Variants in DPP6 observed in about 807,000 individuals in gnomAD.
DPP6 encodes the protein A-type potassium channel modulatory protein DPP6.
Under a neutral mutation model 122.6 loss-of-function variants are expected in DPP6, and 69 were observed. The observed-to-expected ratio is 0.56, with a 90% CI of 0.46 to 0.69. DPP6 has a LOEUF of 0.69. Ranked by LOEUF, DPP6 falls within the 30% of genes least tolerant of loss-of-function variation. DPP6 has a pLI of 0.00. For synonymous variants in DPP6, 418 were observed against 433.1 expected, an observed-to-expected ratio of 0.97 and a Z score of 0.43; for missense variants, 928 against 1,116.9, an observed-to-expected ratio of 0.83 and a Z score of 2.41.
At chr7:154,880,547 T>C (rs924269923) in intron 20 of DPP6, among the ~76,000 whole-genome samples, 2 of 152,018 alleles carry the variant, frequency 1.3e-5, no homozygotes, top group Non-Finnish European at 2.9e-5. Flanking sequence ...AGGCTCTGGG[T>C]GGGGGCCCAA....
intron 3 of DPP6, among the ~76,000 whole-genome samples, chr7:154,530,678 A>G (rs73483819): frequency 0.026 from 3,932 of 152,302 alleles, 155 homozygotes; most frequent in African/African-American, 0.089. Flanking sequence ...TCTAGTATAA[A>G]GATATGTACA....
At chr7:154,695,588 GAGA>G (rs1250322760) in intron 7 of DPP6, among the ~76,000 whole-genome samples, 2 of 152,122 alleles carry the variant, frequency 1.3e-5, no homozygotes, top group Non-Finnish European at 2.9e-5. Context: ...TGTGAGTTTG[GAGA>G]AGGAGAGGTG....
upstream of DPP6, among the ~76,000 whole-genome samples, chr7:154,049,088 A>T (rs1250446244): frequency 6.6e-6 from 1 of 151,306 alleles, no homozygotes; most frequent in African/African-American, 2.4e-5. Flanking sequence ...ATTAAACTCG[A>T]CATTAAATAA....
At chr7:154,387,994 C>T (rs1814267124) in intron 1 of DPP6, among the ~76,000 whole-genome samples, 1 of 151,978 alleles carries the variant, frequency 6.6e-6, no homozygotes, top group South Asian at 2.1e-4. Flanking sequence ...ACATGGCATG[C>T]AGTGGGTGCT....
upstream of DPP6, among the ~76,000 whole-genome samples, chr7:153,883,236 G>T (rs369566725): frequency 2.0e-5 from 3 of 152,326 alleles, no homozygotes; most frequent in East Asian, 5.8e-4. Context: ...ATGGGATAGG[G>T]AATGAACTTC....
chr7:153,857,705 A>G, the DPP6 span, among the ~76,000 whole-genome samples: 2 of 152,214 alleles, frequency 1.3e-5, no homozygotes, highest in African/African-American at 4.8e-5. Context: ...TATCATGCTT[A>G]GAATATAAAC....
intron 3 of DPP6, among the ~76,000 whole-genome samples, chr7:154,538,667 C>CT (rs1219730488): frequency 6.6e-6 from 1 of 151,950 alleles, no homozygotes; most frequent in African/African-American, 2.4e-5. Context: ...AAGTAGTAAC[C>CT]TTTTTTGCAA....
chr7:154,072,226 C>T (rs77059409), intron 1 of DPP6, among the ~76,000 whole-genome samples: 5,484 of 152,230 alleles, frequency 0.036, 27 homozygotes, highest in South Asian at 0.071. Context: ...TCTGTTCATT[C>T]CCCCTAAACT....
intron 8 of DPP6, among the ~76,000 whole-genome samples, chr7:154,754,106 T>C (rs1463860358): frequency 6.6e-6 from 1 of 152,216 alleles, no homozygotes; most frequent in Non-Finnish European, 1.5e-5. Flanking sequence ...TTTCAATGTG[T>C]TTTTGTTGAG....
At chr7:154,196,648 A>T (rs938707273) in intron 1 of DPP6, among the ~76,000 whole-genome samples, 27 of 152,164 alleles carry the variant, frequency 1.8e-4, no homozygotes, top group Non-Finnish European at 4.4e-5. Flanking sequence ...CCTTCCAAGG[A>T]CCACCTGGGC....
At chr7:154,502,584 C>T (rs890627195) in intron 3 of DPP6, among the ~76,000 whole-genome samples, 7 of 152,150 alleles carry the variant, frequency 4.6e-5, no homozygotes, top group African/African-American at 1.4e-4. Context: ...TGCCTTTCAC[C>T]TTCTGCTGTG....
At chr7:154,611,957 G>A (rs1034156228) in intron 5 of DPP6, among the ~76,000 whole-genome samples, 1 of 152,142 alleles carries the variant, frequency 6.6e-6, no homozygotes, top group South Asian at 2.1e-4. Context: ...TGGTTTGAAT[G>A]TGTTCTTACA....
chr7:154,669,843 G>GT (rs60268123), intron 7 of DPP6, among the ~76,000 whole-genome samples: 103,817 of 150,244 alleles, frequency 0.69, 36,453 homozygotes, highest in Non-Finnish European at 0.75. Context: ...CCTGTGGAGG[G>GT]TTTTTTTTTG....
intron 1 of DPP6, among the ~76,000 whole-genome samples, chr7:154,010,852 C>T (rs941828015): frequency 6.6e-6 from 1 of 152,168 alleles, no homozygotes; most frequent in Non-Finnish European, 1.5e-5. Flanking sequence ...CCATTTGGTT[C>T]CTGGCAGAAA....
intron 1 of DPP6, among the ~76,000 whole-genome samples, chr7:154,431,494 TTCTTTTCTTTTC>T (rs1274305983): frequency 3.6e-5 from 4 of 109,828 alleles, no homozygotes; most frequent in Non-Finnish European, 6.3e-5. Flanking sequence ...TTCTTTTCTT[TTCTTTTCTTTTC>T]TTTCTTTTAT....
intron 1 of DPP6, among the ~76,000 whole-genome samples, chr7:153,996,406 CT>C (rs760672547): frequency 5.3e-5 from 8 of 151,938 alleles, no homozygotes; most frequent in Non-Finnish European, 8.8e-5. Flanking sequence ...TGGGCCTATC[CT>C]TCAAGGTTCA....
the DPP6 span, among the ~76,000 whole-genome samples, chr7:153,753,274 G>A: frequency 6.6e-6 from 1 of 150,970 alleles, no homozygotes; most frequent in Admixed American, 6.6e-5. Context: ...CCATATTTGG[G>A]GATTTTGTAC....
chr7:154,296,120 T>C (rs534069065), intron 1 of DPP6, among the ~76,000 whole-genome samples: 1 of 151,862 alleles, frequency 6.6e-6, no homozygotes, highest in South Asian at 2.1e-4. Context: ...ATTTTTTGTA[T>C]TTTTTAGTAA....
At chr7:154,576,707 G>A (rs913728282) in intron 5 of DPP6, among the ~76,000 whole-genome samples, 4 of 152,270 alleles carry the variant, frequency 2.6e-5, no homozygotes, top group South Asian at 4.2e-4. Context: ...ATGGATGCGC[G>A]GGAAATACCA....
Sources: allele counts gnomAD v4.1 joint callset (sites outside exome capture counted in the v4.1 genomes callset), GRCh38; gene constraint gnomAD v4.1.1; transcripts MANE v1.5; gene names NCBI Gene and HGNC (gene_info 2026-07-23, HGNC 2026-07-21).